Variants in CNTNAP2 observed in about 807,000 individuals in gnomAD.
CNTNAP2 encodes contactin-associated protein-like 2.
A neutral mutation model predicts 155.2 loss-of-function variants in CNTNAP2; 98 were observed. The ratio of observed to expected loss-of-function variants is 0.63; its 90% CI spans 0.54 to 0.75. CNTNAP2 has a LOEUF of 0.75. Among genes scored for constraint, CNTNAP2 ranks in the 30% least tolerant of loss-of-function variants. CNTNAP2 has a pLI of 0.00. For synonymous variants in CNTNAP2, 651 were observed against 631.2 expected, an observed-to-expected ratio of 1.03 and a Z score of -0.47; for missense variants, 1,727 against 1,688.1, an observed-to-expected ratio of 1.02 and a Z score of -0.40.
chr7:147,095,633 T>C (rs1800515740), intron 4 of CNTNAP2, among the ~76,000 whole-genome samples: 1 of 152,078 alleles, frequency 6.6e-6, no homozygotes, highest in African/African-American at 2.4e-5. Flanking sequence ...TCTTTCTTTT[T>C]TTCTTTTGAA....
chr7:148,353,381 C>T (rs1397958396), intron 21 of CNTNAP2, among the ~76,000 whole-genome samples: 2 of 152,182 alleles, frequency 1.3e-5, no homozygotes, highest in African/African-American at 2.4e-5. Context: ...CCCCCAAAAC[C>T]TGGAACTCGA....
At chr7:146,709,346 A>G (rs910058726) in intron 1 of CNTNAP2, among the ~76,000 whole-genome samples, 1 of 152,198 alleles carries the variant, frequency 6.6e-6, no homozygotes, top group Non-Finnish European at 1.5e-5. Flanking sequence ...GTAGTTCTAC[A>G]GCACCACAAT....
At chr7:148,095,210 G>T (rs1803937719) in intron 15 of CNTNAP2, among the ~76,000 whole-genome samples, 4 of 152,092 alleles carry the variant, frequency 2.6e-5, no homozygotes, top group African/African-American at 7.2e-5. Context: ...GTGTAACCCT[G>T]CAAAGAAAGC....
At chr7:147,601,320 G>C (rs1178670757) in intron 12 of CNTNAP2, among the ~76,000 whole-genome samples, 1 of 152,010 alleles carries the variant, frequency 6.6e-6, no homozygotes, top group African/African-American at 2.4e-5. Context: ...AGATGGGGTG[G>C]GGCCGTTTTA....
intron 3 of CNTNAP2, among the ~76,000 whole-genome samples, chr7:146,872,754 A>T (rs182911219): frequency 6.6e-6 from 1 of 152,330 alleles, no homozygotes. Flanking sequence ...CTGTATGCAC[A>T]AATTGTTCAA....
chr7:147,159,937 GT>G (rs150340227), intron 8 of CNTNAP2, among the ~76,000 whole-genome samples: 3 of 151,338 alleles, frequency 2.0e-5, no homozygotes, highest in Admixed American at 6.6e-5. Context: ...ATGAATCAAA[GT>G]TTTTTTTTGG....
intron 1 of CNTNAP2, among the ~76,000 whole-genome samples, chr7:146,731,730 G>C (rs966847835): frequency 1.3e-5 from 2 of 152,084 alleles, no homozygotes; most frequent in African/African-American, 2.4e-5. Context: ...AAAATTATTT[G>C]TGCCTGGGAT....
At chr7:146,504,535 G>C (rs186189795) in intron 1 of CNTNAP2, among the ~76,000 whole-genome samples, 2 of 152,208 alleles carry the variant, frequency 1.3e-5, no homozygotes, top group African/African-American at 4.8e-5. Flanking sequence ...AACATCATCT[G>C]TCAACAGAAG....
rs1795078775 is a variant in CNTNAP2, at chr7:146,361,297, G to C, written c.97+244324G>C. Among the ~76,000 whole-genome samples the C allele has an allele frequency of 2.0e-5, 3 of 152,218 alleles. 1 individual carries two copies. The highest frequency in any genetic ancestry group is 7.2e-5 in the African/African-American group (3 of 41,540). ...TGCATATTCAGAGGGCATACTTTTT[G>C]TAAATGTGTGTTTTGTAGGGCTGAC... On this transcript the variant is annotated intron_variant, in intron 1 of 23. Transcript: ENST00000361727.
At chr7:146,785,118 G>A (rs535423752) in intron 2 of CNTNAP2, among the ~76,000 whole-genome samples, 19 of 151,550 alleles carry the variant, frequency 1.3e-4, no homozygotes, top group Admixed American at 4.0e-4. Context: ...CTATAGACTC[G>A]CACCACCATG....
intron 9 of CNTNAP2, among the ~76,000 whole-genome samples, chr7:147,322,816 G>A (rs1259528090): frequency 1.5e-5 from 2 of 137,872 alleles, no homozygotes; most frequent in Non-Finnish European, 3.1e-5. Context: ...GGGTGTATGT[G>A]TCCAGGAATG....
intron 13 of CNTNAP2, among the ~76,000 whole-genome samples, chr7:147,670,588 A>C (rs750281934): frequency 1.6e-4 from 24 of 152,256 alleles, no homozygotes; most frequent in Non-Finnish European, 2.2e-4. Context: ...AAGTGGCTTG[A>C]CTTCAGAGGG....
chr7:146,259,038 A>G (rs1322164629), intron 1 of CNTNAP2, among the ~76,000 whole-genome samples: 1 of 152,016 alleles, frequency 6.6e-6, no homozygotes, highest in Non-Finnish European at 1.5e-5. Context: ...CATGATAGTG[A>G]GGGAGTTCTC....
chr7:148,351,204 C>A (rs2116598436), intron 21 of CNTNAP2, among the ~76,000 whole-genome samples: 1 of 152,068 alleles, frequency 6.6e-6, no homozygotes, highest in South Asian at 2.1e-4. Context: ...GGTGGGAAGA[C>A]CATGAGTGGA....
chr7:147,926,689 C>T (rs953581464), intron 14 of CNTNAP2, among the ~76,000 whole-genome samples: 8 of 151,452 alleles, frequency 5.3e-5, no homozygotes, highest in Admixed American at 2.0e-4. Flanking sequence ...CTTATAAACA[C>T]GTAAGATAAA....
intron 5 of CNTNAP2, among the ~76,000 whole-genome samples, chr7:147,113,605 A>C (rs774790647): frequency 1.3e-5 from 2 of 152,096 alleles, no homozygotes; most frequent in Non-Finnish European, 2.9e-5. Flanking sequence ...TTATAAAAAC[A>C]CCAGATGTCA....
intron 2 of CNTNAP2, among the ~76,000 whole-genome samples, chr7:146,820,033 T>A (rs1012404452): frequency 2.0e-5 from 3 of 152,222 alleles, no homozygotes; most frequent in East Asian, 1.9e-4. Context: ...AATAAAACAA[T>A]GTTTACATTG....
chr7:148,336,164 T>C (rs1208631258), intron 21 of CNTNAP2, among the ~76,000 whole-genome samples: 1 of 152,248 alleles, frequency 6.6e-6, no homozygotes, highest in Non-Finnish European at 1.5e-5. Context: ...GTCAGAATTG[T>C]CTTTGATTGG....
Position 147,476,654 on chromosome 7 carries a change from C to T in CNTNAP2, c.1671-9281C>T, listed in dbSNP as rs556638851. On this transcript the variant is annotated intron_variant, in intron 10 of 23. Coordinates refer to ENST00000361727, the MANE Select transcript of CNTNAP2 (RefSeq NM_014141.6). The stretch of plus-strand genomic sequence containing the variant: ...AAAGATACACCAGGTTGGTCAGGCG[C>T]GGTGGCTCACGCCTGTAATCCCAGC... 2.3e-4 allele frequency among the ~76,000 whole-genome samples: 35 copies of T among 151,098 alleles called. 1 individual carries two copies. The South Asian group carries it at 6.9e-3, about 30-fold the overall frequency.
Sources: allele counts gnomAD v4.1 joint callset (sites outside exome capture counted in the v4.1 genomes callset), GRCh38; gene constraint gnomAD v4.1.1; transcripts MANE v1.5; gene names NCBI Gene and HGNC (gene_info 2026-07-23, HGNC 2026-07-21).